The following SPTBN1 variants were observed in gnomAD, a reference collection of about 807,000 sequenced individuals.
SPTBN1 encodes spectrin beta, non-erythrocytic 1.
In SPTBN1, 32 loss-of-function variants were observed where a neutral mutation model predicts 266.4. That is an observed-to-expected ratio of 0.12 (90% CI 0.09 to 0.16). SPTBN1 has a LOEUF of 0.16. Ranked by LOEUF, SPTBN1 falls within the 10% of genes least tolerant of loss-of-function variation. The probability of loss-of-function intolerance (pLI) is 1.00; values close to 1 mark genes in which losing one functional copy is unlikely to be tolerated. For missense variants in SPTBN1, 2,296 were observed against 3,067.1 expected, an observed-to-expected ratio of 0.75 and a Z score of 5.94; for synonymous variants, 1,336 against 1,162.2, an observed-to-expected ratio of 1.15 and a Z score of -3.04.
At chr2:54,660,690 T>C (rs1680975825) in intron 32 of SPTBN1, 1 of 985,376 alleles carries the variant, frequency 1.0e-6, no homozygotes, top group African/African-American at 1.7e-5. Context: ...GGGTCATTTA[T>C]TACTTTTTAC....
intron 1 of SPTBN1, among the ~76,000 whole-genome samples, chr2:54,486,979 A>G (rs909582911): frequency 3.3e-5 from 5 of 152,068 alleles, no homozygotes; most frequent in Non-Finnish European, 7.4e-5. Flanking sequence ...TCATTTATCA[A>G]ACGGCGCTGA....
intron 3 of SPTBN1, among the ~76,000 whole-genome samples, chr2:54,604,300 A>G (rs895799375): frequency 2.0e-5 from 3 of 152,068 alleles, no homozygotes; most frequent in African/African-American, 7.2e-5. Context: ...ACCTTCCCTT[A>G]TATCTTCCTC....
In SPTBN1 at chr2:54,630,038, G is replaced by C. The variant is rs752618626; in HGVS notation, c.2807+9G>C. On this transcript the variant is annotated intron_variant, in intron 15 of 35. Coordinates refer to ENST00000356805, the MANE Select transcript of SPTBN1 (RefSeq NM_003128.3). ...GACAAACTCAACACAAGGTGAGCACGTGGCCAGCAGTGTGCCAGCCTCCCA... is the reference window on the plus strand; with the variant it reads ...GACAAACTCAACACAAGGTGAGCACCTGGCCAGCAGTGTGCCAGCCTCCCA... The C allele has an allele frequency of 6.2e-7, 1 of 1,611,922 alleles. No individual in the cohort carries two copies. Among genetic ancestry groups the C allele is most frequent in the Non-Finnish European group, 8.5e-7 (1 of 1,179,024 alleles).
intron 29 of SPTBN1, among the ~76,000 whole-genome samples, chr2:54,657,336 TTG>T (rs1680739305): frequency 6.6e-6 from 1 of 152,206 alleles, no homozygotes; most frequent in South Asian, 2.1e-4. Context: ...TACGTGTAGA[TTG>T]TGAATTCCTG....
intron 2 of SPTBN1, among the ~76,000 whole-genome samples, chr2:54,571,752 T>C (rs184800751): frequency 1.3e-5 from 2 of 152,298 alleles, no homozygotes; most frequent in Admixed American, 1.3e-4. Context: ...CAAATAAATG[T>C]TTCATGAATA....
In SPTBN1 at chr2:54,646,262, C is replaced by G; in HGVS notation, c.4653C>G (p.Ile1551Met). The change falls in exon 23 of 36, where the codon ATC becomes ATG. Residue 1551 changes from isoleucine to methionine, a missense_variant. By Grantham distance (10) the Ile-to-Met change is conservative. This residue lies in a region of SPTBN1 where 644 missense variants were observed against 745.3 expected (regional missense o/e 0.86). Coordinates refer to ENST00000356805, the MANE Select transcript of SPTBN1 (RefSeq NM_003128.3). The surrounding 1 kb of genome is among the most constrained non-coding windows in gnomAD (Gnocchi z 4.4). ...IDDIFERSQN[I>M]VTDSSSLSAE... is the part of the protein sequence containing the mutation. ...ACATCTTTGAGAGGAGCCAAAACAT[C>G]GTCACTGACAGCAGCAGCCTCAGCG... 3 of 1,614,130 alleles carry G rather than the reference C, an allele frequency of 1.9e-6. No homozygotes were observed. Among genetic ancestry groups the G allele is most frequent in the Non-Finnish European group, 2.5e-6 (3 of 1,180,004 alleles).
At chr2:54,561,551 C>T (rs1673299482) in intron 2 of SPTBN1, among the ~76,000 whole-genome samples, 1 of 152,150 alleles carries the variant, frequency 6.6e-6, no homozygotes, top group South Asian at 2.1e-4. Flanking sequence ...ACTTTCCACA[C>T]TGGGTCCTAA....
intron 1 of SPTBN1, among the ~76,000 whole-genome samples, chr2:54,481,293 T>G (rs1668084703): frequency 6.6e-6 from 1 of 152,168 alleles, no homozygotes; most frequent in Non-Finnish European, 1.5e-5. Flanking sequence ...TGGTGAGCTT[T>G]TTGCCCCAGC....
chr2:54,597,165 C>T (rs753081417), intron 2 of SPTBN1, among the ~76,000 whole-genome samples: 1 of 152,102 alleles, frequency 6.6e-6, no homozygotes, highest in Non-Finnish European at 1.5e-5. Flanking sequence ...AATTGTTAAC[C>T]CTAAATACAT....
At chr2:54,552,924 G>A (rs1321901069) in intron 2 of SPTBN1, among the ~76,000 whole-genome samples, 1 of 152,232 alleles carries the variant, frequency 6.6e-6, no homozygotes, top group Non-Finnish European at 1.5e-5. Flanking sequence ...GCTTCTAGCT[G>A]CCCAGGCCAT....
rs145964411 is a variant in SPTBN1, at chr2:54,656,489, A to T, written c.6046+491A>T. ...TCCCCAAAGTGACCCTGTGAATTAG[A>T]TTCTATTTTTAATTCTCATTTTATA... On this transcript the variant is annotated intron_variant, in intron 29 of 35. Coordinates refer to ENST00000356805, the MANE Select transcript of SPTBN1 (RefSeq NM_003128.3). Among the ~76,000 whole-genome samples, 3 of 152,256 alleles carry T rather than the reference A, an allele frequency of 2.0e-5. No homozygotes were observed. The East Asian group carries it at 5.8e-4, about 29-fold the overall frequency.
chr2:54,484,406 G>A (rs6545410), intron 1 of SPTBN1, among the ~76,000 whole-genome samples: 91,343 of 152,044 alleles, frequency 0.6, 28,776 homozygotes, highest in African/African-American at 0.8. Flanking sequence ...CTTTTTGTTA[G>A]TACTCATCTG....
intron 2 of SPTBN1, among the ~76,000 whole-genome samples, chr2:54,562,722 G>GTGTGTGTGTGTGTA (rs1553447730): frequency 3.9e-4 from 58 of 150,366 alleles, no homozygotes; most frequent in African/African-American, 1.4e-3. Context: ...GTGTGTGTGT[G>GTGTGTGTGTGTGTA]TGTGTGTGTG....
intron 2 of SPTBN1, among the ~76,000 whole-genome samples, chr2:54,536,696 G>A (rs1343637515): frequency 2.6e-5 from 4 of 152,148 alleles, no homozygotes; most frequent in Admixed American, 2.6e-4. Context: ...ATTCACTTGA[G>A]TTCTCTGAAC....
intron 5 of SPTBN1, 62 bp from the exon 6 acceptor site, chr2:54,617,546 C>A: frequency 6.5e-7 from 1 of 1,538,542 alleles, no homozygotes; most frequent in Admixed American, 1.7e-5. Flanking sequence ...AAGCACTTGG[C>A]AAAAGTATAA....
intron 2 of SPTBN1, among the ~76,000 whole-genome samples, chr2:54,560,237 G>A (rs1673200315): frequency 6.6e-6 from 1 of 151,964 alleles, no homozygotes; most frequent in African/African-American, 2.4e-5. Context: ...ACGGTTTTCG[G>A]GTCGGAGAAT....
chr2:54,497,416 C>T (rs1423040005), intron 1 of SPTBN1, among the ~76,000 whole-genome samples: 2 of 152,026 alleles, frequency 1.3e-5, no homozygotes. Context: ...CTTCCTTCTT[C>T]CTTTGAGACT....
intron 2 of SPTBN1, among the ~76,000 whole-genome samples, chr2:54,596,775 C>A (rs557694575): frequency 6.6e-6 from 1 of 152,310 alleles, no homozygotes; most frequent in Admixed American, 6.5e-5. Context: ...CGGCACAGAT[C>A]TCAGTCTGTT....
intron 2 of SPTBN1, among the ~76,000 whole-genome samples, chr2:54,574,699 C>T (rs908298408): frequency 6.6e-6 from 1 of 152,112 alleles, no homozygotes; most frequent in Non-Finnish European, 1.5e-5. Flanking sequence ...CATGAGAGCT[C>T]GATCAGTGCA....
Sources: gnomAD v4.1 joint callset for allele counts (sites outside exome capture counted in the v4.1 genomes callset) on GRCh38, gnomAD v4.1.1 for gene constraint, gnomAD v4.1.1 regional missense constraint, Gnocchi (gnomAD v3.1) non-coding constraint, MANE v1.5 for transcripts, NCBI Gene and HGNC (gene_info 2026-07-23, HGNC 2026-07-21) for gene names.